Variants in CHD2 observed in about 807,000 individuals in gnomAD.
CHD2 encodes ATP-dependent chromatin remodeler CHD2.
Under a neutral mutation model 243.9 loss-of-function variants are expected in CHD2, and 28 were observed. The observed-to-expected ratio is 0.11, with a 90% CI of 0.09 to 0.16. CHD2 has a LOEUF of 0.16. Ranked by LOEUF, CHD2 falls within the 10% of genes least tolerant of loss-of-function variation. The pLI, the probability that CHD2 is intolerant of heterozygous loss-of-function variation, is 1.00. For missense variants in CHD2, 1,386 were observed against 2,209.8 expected, an observed-to-expected ratio of 0.63 and a Z score of 7.47; for synonymous variants, 775 against 779.0, an observed-to-expected ratio of 0.99 and a Z score of 0.09.
At chr15:92,921,861 G>A in intron 2 of CHD2, among the ~76,000 whole-genome samples, 1 of 152,296 alleles carries the variant, frequency 6.6e-6, no homozygotes, top group East Asian at 1.9e-4. Flanking sequence ...AAGCTGCGAT[G>A]CCAGAGCCCA....
At chr15:92,913,565 C>T (rs1452082650) in intron 2 of CHD2, among the ~76,000 whole-genome samples, 2 of 152,208 alleles carry the variant, frequency 1.3e-5, no homozygotes, top group African/African-American at 2.4e-5. Context: ...ATCTATAATG[C>T]CACCACTAGG....
In CHD2 at chr15:92,942,916, G is replaced by T; in HGVS notation, c.900G>T (p.Lys300Asn). The change falls in exon 9 of 39, where the codon AAG becomes AAT. Residue 300 changes from lysine (K) to asparagine (N), a missense_variant. Coordinates refer to ENST00000394196, the MANE Select transcript of CHD2 (RefSeq NM_001271.4). ...CTAGTGGTGACTTTGACACTGAAAA[G>T]GATGAAGGTGAAATCCAGTACCTCA... is the stretch of plus-strand genomic sequence containing the variant. ...GDPSGDFDTE[K>N]DEGEIQYLIK... The T allele has an allele frequency of 6.2e-7, 1 of 1,614,036 alleles. No homozygotes were observed. Among genetic ancestry groups the T allele is most frequent in the Non-Finnish European group, 8.5e-7 (1 of 1,179,978 alleles).
intron 2 of CHD2, among the ~76,000 whole-genome samples, chr15:92,915,866 T>A (rs1596372343): frequency 6.6e-6 from 1 of 152,240 alleles, no homozygotes; most frequent in East Asian, 1.9e-4. Context: ...CATACCTCCC[T>A]AACAATTTGC....
intron 26 of CHD2, among the ~76,000 whole-genome samples, chr15:92,985,942 G>A (rs1259203154): frequency 6.6e-6 from 1 of 152,200 alleles, no homozygotes; most frequent in Non-Finnish European, 1.5e-5. Context: ...TTCAGCTCGG[G>A]GAAGGAGATA....
intron 5 of CHD2, among the ~76,000 whole-genome samples, chr15:92,933,652 G>C (rs1382151964): frequency 1.3e-5 from 2 of 152,170 alleles, no homozygotes; most frequent in Non-Finnish European, 2.9e-5. Context: ...CCAGGTGGGA[G>C]TGCAGTGCAG....
intron 5 of CHD2, among the ~76,000 whole-genome samples, chr15:92,932,643 C>T (rs1415941346): frequency 6.6e-6 from 1 of 152,134 alleles, no homozygotes; most frequent in Non-Finnish European, 1.5e-5. Context: ...ATTGGGAGCA[C>T]TTTCACAGCC....
At chr15:92,939,530 C>T (rs745546302) in intron 6 of CHD2, 48 bp from the exon 7 acceptor site, 1 of 1,585,584 alleles carries the variant, frequency 6.3e-7, no homozygotes, top group South Asian at 1.1e-5. Context: ...AAGTAGACAC[C>T]AAATGATAAA....
At chr15:92,923,526 T>A (rs2052999484) in intron 2 of CHD2, among the ~76,000 whole-genome samples, 1 of 151,802 alleles carries the variant, frequency 6.6e-6, no homozygotes, top group Admixed American at 6.6e-5. Context: ...TCCCAAAGTG[T>A]TGGGATTATA....
At chr15:92,940,906 A>ATG (rs2053361664) in intron 7 of CHD2, among the ~76,000 whole-genome samples, 1 of 80,646 alleles carries the variant, frequency 1.2e-5, no homozygotes, top group Admixed American at 1.6e-4. Context: ...ATATATAAAT[A>ATG]TATATATAAA....
chr15:92,975,160 G>A (rs569957146), intron 20 of CHD2, among the ~76,000 whole-genome samples: 1 of 152,292 alleles, frequency 6.6e-6, no homozygotes, highest in South Asian at 2.1e-4. Flanking sequence ...CCTGTTCTGG[G>A]TTGACAACAG....
rs867552077 is a variant in CHD2 at position 92,972,648 on chromosome 15, A to G, written c.2505+231A>G. Among the ~76,000 whole-genome samples, 22 of 12,294 alleles carry G rather than the reference A, an allele frequency of 1.8e-3. 10 individuals are homozygous for G. In the South Asian group the frequency reaches 0.048, roughly 27 times the overall value. 8.1% of individuals were successfully genotyped at this position (12,294 alleles called of 152,430 possible). A position where few individuals can be genotyped will look rare whatever the true frequency, so the allele number is the denominator to read the frequency against. On this transcript the variant is annotated intron_variant, in intron 19 of 38. Coordinates refer to ENST00000394196, the MANE Select transcript of CHD2 (RefSeq NM_001271.4). Reference sequence around the variant, plus strand: ...GGGCGGATCACGAGGTCAGGAGATCAAGACCATCCCGGCTAAAACGGTGAA... The same window carrying G: ...GGGCGGATCACGAGGTCAGGAGATCGAGACCATCCCGGCTAAAACGGTGAA...
At chr15:92,914,310 A>G (rs1181587744) in intron 2 of CHD2, among the ~76,000 whole-genome samples, 1 of 152,246 alleles carries the variant, frequency 6.6e-6, no homozygotes, top group Non-Finnish European at 1.5e-5. Flanking sequence ...TTACCTGAAT[A>G]GAAAGCTTCT....
intron 16 of CHD2, among the ~76,000 whole-genome samples, chr15:92,962,423 T>G (rs2053702915): frequency 6.6e-6 from 1 of 152,210 alleles, no homozygotes; most frequent in South Asian, 2.1e-4. Flanking sequence ...TGTGATTTAT[T>G]CTTTGAAGCA....
intron 2 of CHD2, chr15:92,904,379 C>T: frequency 1.3e-5 from 12 of 925,028 alleles, no homozygotes; most frequent in Non-Finnish European, 1.6e-5. Context: ...AGCCTCCGCC[C>T]CGTGACGTCA....
chr15:93,004,409 T>G, intron 33 of CHD2: 1 of 427,066 alleles, frequency 2.3e-6, no homozygotes. Context: ...TGGGTACATT[T>G]AGAGATGGAA....
At chr15:92,949,115 TC>T (rs1285301363) in intron 13 of CHD2, 39 bp downstream of exon 13, 52 of 1,594,072 alleles carry the variant, frequency 3.3e-5, no homozygotes, top group Non-Finnish European at 4.2e-5. Flanking sequence ...CCTTACTGTT[TC>T]TGGCTTCTTT....
intron 16 of CHD2, among the ~76,000 whole-genome samples, chr15:92,964,223 A>C (rs1278931644): frequency 1.1e-5 from 1 of 90,410 alleles, no homozygotes; most frequent in Non-Finnish European, 2.6e-5. Context: ...TTTTTCTGTG[A>C]AAGAGATCTT....
intron 2 of CHD2, among the ~76,000 whole-genome samples, chr15:92,912,241 G>A (rs12903587): frequency 0.37 from 56,361 of 152,066 alleles, 10,725 homozygotes; most frequent in Admixed American, 0.43. Context: ...GATTGGATTT[G>A]GGAGCCATGT....
intron 38 of CHD2, chr15:93,021,791 G>A (rs28776263): frequency 1.3e-5 from 2 of 152,170 alleles, no homozygotes; most frequent in Non-Finnish European, 2.9e-5. Context: ...CCTTGTCTGC[G>A]AATCTTATCA....
Sources: allele counts gnomAD v4.1 joint callset (sites outside exome capture counted in the v4.1 genomes callset), GRCh38; gene constraint gnomAD v4.1.1; transcripts MANE v1.5; gene names NCBI Gene and HGNC (gene_info 2026-07-23, HGNC 2026-07-21).